The following PDE4A variants were observed in gnomAD, a reference collection of about 807,000 sequenced individuals.
PDE4A encodes the protein phosphodiesterase 4A.
Under a neutral mutation model 73.9 loss-of-function variants are expected in PDE4A, and 21 were observed. The ratio of observed to expected loss-of-function variants is 0.28; its 90% CI spans 0.20 to 0.41. The LOEUF (loss-of-function observed/expected upper bound fraction) is 0.41, where lower values mean the gene tolerates loss of function less well. Ranked by LOEUF, PDE4A falls within the 10% of genes least tolerant of loss-of-function variation. The probability of loss-of-function intolerance (pLI) is 1.00; values close to 1 mark genes in which losing one functional copy is unlikely to be tolerated. For synonymous variants in PDE4A, 463 were observed against 505.4 expected (o/e 0.92, Z 1.13); for missense variants, 958 against 1,211.4 (o/e 0.79, Z 3.10).
rs576791074 is a variant in PDE4A at position 10,463,568 on chromosome 19, T to C, written c.1744-225T>C. 64 of 288,636 alleles carry C rather than the reference T, an allele frequency of 2.2e-4. 1 individual carries two copies. Among genetic ancestry groups the C allele is most frequent in the Non-Finnish European group, 2.8e-4 (54 of 193,540 alleles). 17.9% of individuals were successfully genotyped at this position (288,636 alleles called of 1,614,324 possible). ...GGCATGTGCCACCGTGCCTGGCTAATTTTTTTGTATTTTTAGTAGAGACAG... is the reference window on the plus strand; with the variant it reads ...GGCATGTGCCACCGTGCCTGGCTAACTTTTTTGTATTTTTAGTAGAGACAG... On this transcript the variant is annotated intron_variant, in intron 13 of 14. Coordinates refer to ENST00000380702, the MANE Select transcript of PDE4A (RefSeq NM_001111307.2).
At chr19:10,433,459 C>T (rs2042821904) in intron 1 of PDE4A, among the ~76,000 whole-genome samples, 1 of 152,144 alleles carries the variant, frequency 6.6e-6, no homozygotes, top group East Asian at 1.9e-4. Flanking sequence ...CAGGAACGCA[C>T]CCCGTGCCCA....
rs746919087 is a variant in PDE4A at position 10,461,605 on chromosome 19, G to A, written c.1545G>A (p.Gln515=). 1.9e-6 allele frequency: 3 copies of A among 1,613,964 alleles called. No homozygotes were observed. In the African/African-American group the frequency reaches 4.0e-5, roughly 22 times the overall value. ...TGGCCGTGGGCTTCAAGCTGCTGCA[G>A]GAGGACAACTGCGACATCTTCCAGA... The part of the protein sequence containing the change: ...HHLAVGFKLL[Q]EDNCDIFQNL... The change falls in exon 12 of 15, where the codon CAG becomes CAA. Residue 515 remains glutamine, a synonymous_variant. Transcript: ENST00000380702.
intron 1 of PDE4A, among the ~76,000 whole-genome samples, chr19:10,426,886 A>G (rs989167209): frequency 4.0e-5 from 6 of 151,606 alleles, no homozygotes; most frequent in African/African-American, 1.5e-4. Context: ...AAAAAGAAAT[A>G]GCAAGTAAAG....
chr19:10,433,146 TG>T (rs1362285438), intron 1 of PDE4A, among the ~76,000 whole-genome samples: 1 of 152,104 alleles, frequency 6.6e-6, no homozygotes, highest in Non-Finnish European at 1.5e-5. Context: ...TCCTGCTCCA[TG>T]GTCTCTAACA....
In PDE4A at chr19:10,424,104, C is replaced by T. The variant is rs2042684312; in HGVS notation, c.320+3020C>T. On this transcript the variant is annotated intron_variant, in intron 1 of 14. Transcript: ENST00000380702. The surrounding 1 kb of genome is among the most constrained non-coding windows in gnomAD (Gnocchi z 4.8). Reference sequence around the variant, plus strand: ...GGAATCCCCAGAGAGAGGGCACTGCCCACCCCCAACCGGAGATGTCATCCA... The same window carrying T: ...GGAATCCCCAGAGAGAGGGCACTGCTCACCCCCAACCGGAGATGTCATCCA... 6.6e-6 allele frequency among the ~76,000 whole-genome samples: 1 copy of T among 152,222 alleles called. No individual in the cohort carries two copies. The highest frequency in any genetic ancestry group is 2.4e-5 in the African/African-American group (1 of 41,462).
At chr19:10,445,471 T>G (rs2042990581) in intron 1 of PDE4A, among the ~76,000 whole-genome samples, 1 of 152,078 alleles carries the variant, frequency 6.6e-6, no homozygotes, top group Non-Finnish European at 1.5e-5. Context: ...TGTCTTTCTT[T>G]AACATCCTCC....
At chr19:10,435,593 A>C (rs201669024) in intron 1 of PDE4A, among the ~76,000 whole-genome samples, 149 of 120,672 alleles carry the variant, frequency 1.2e-3, no homozygotes, top group African/African-American at 3.5e-3. Context: ...CACACACACA[A>C]ACAAACAAAC....
intron 1 of PDE4A, among the ~76,000 whole-genome samples, chr19:10,436,293 C>T (rs541235334): frequency 6.6e-6 from 1 of 152,282 alleles, no homozygotes; most frequent in African/African-American, 2.4e-5. Flanking sequence ...CAGTAGCTCA[C>T]ACCTGTAATC....
chr19:10,418,689 C>A, upstream of PDE4A: 1 of 901,256 alleles, frequency 1.1e-6, no homozygotes, highest in Non-Finnish European at 1.3e-6. Flanking sequence ...CAGGCCACCG[C>A]TCCTCGTTTC....
At position 10,459,519 on chromosome 19, in the gene PDE4A, T is replaced by C. The variant is rs754634365; in HGVS notation, c.1200+21T>C. 1.9e-6 allele frequency: 3 copies of C among 1,611,388 alleles called. No homozygotes were observed. In the Admixed American group the frequency reaches 5.0e-5, roughly 27 times the overall value. Reference sequence around the variant, plus strand: ...TCCAGGTGATGGGGACAGCTGGGAGTGGGCCCGGGTGAGGGGCTCATAGCG... The same window carrying C: ...TCCAGGTGATGGGGACAGCTGGGAGCGGGCCCGGGTGAGGGGCTCATAGCG... On this transcript the variant is annotated intron_variant, in intron 9 of 14. Transcript: ENST00000380702.
intron 1 of PDE4A, chr19:10,421,424 C>T: frequency 1.3e-6 from 1 of 794,870 alleles, no homozygotes; most frequent in Non-Finnish European, 1.5e-6. Flanking sequence ...TTGGAGGGAC[C>T]TTCCTGGGGG....
intron 4 of PDE4A, among the ~76,000 whole-genome samples, chr19:10,449,846 G>A (rs2046525022): frequency 6.6e-6 from 1 of 151,972 alleles, no homozygotes; most frequent in South Asian, 2.1e-4. Flanking sequence ...CTGTAATCCA[G>A]CACTTTGGGA....
At position 10,461,606 on chromosome 19, in the gene PDE4A, G is replaced by A. The variant is rs1184710573; in HGVS notation, c.1546G>A (p.Glu516Lys). ...GGCCGTGGGCTTCAAGCTGCTGCAG[G>A]AGGACAACTGCGACATCTTCCAGAA... ...HLAVGFKLLQEDNCDIFQNLS... is the reference protein window; with the variant it reads ...HLAVGFKLLQKDNCDIFQNLS... The change falls in exon 12 of 15, where the codon GAG (glutamate) becomes AAG (lysine). Residue 516 changes from glutamate to lysine, a missense_variant. Around this residue, in one of 3 missense-constraint regions of PDE4A, gnomAD observed 570 missense variants for 827.7 expected, o/e 0.69. Transcript: ENST00000380702. The A allele has an allele frequency of 6.2e-7, 1 of 1,612,806 alleles. No homozygotes were observed. Among genetic ancestry groups the A allele is most frequent in the Admixed American group, 1.7e-5 (1 of 59,952 alleles).
upstream of PDE4A, chr19:10,420,529 G>A: frequency 2.7e-6 from 3 of 1,114,074 alleles, no homozygotes; most frequent in Non-Finnish European, 3.3e-6. This position sits in a 1 kb window ranked among gnomAD's most constrained non-coding sequence, Gnocchi z 6.0. Flanking sequence ...GCGGAGCGCG[G>A]AGCGCGGAGA....
intron 1 of PDE4A, among the ~76,000 whole-genome samples, chr19:10,433,952 C>T (rs757769151): frequency 1.8e-4 from 27 of 152,130 alleles, no homozygotes; most frequent in Admixed American, 4.6e-4. Flanking sequence ...CATTCTAGGC[C>T]GGGCGTGGTG....
rs56177093 is a variant in PDE4A, at chr19:10,444,004, C to CAA, written c.321-2199_321-2198dup. 1.4e-3 allele frequency among the ~76,000 whole-genome samples: 163 copies of CAA among 113,712 alleles called. 2 individuals carry two copies. Among genetic ancestry groups the CAA allele is most frequent in the Middle Eastern group, 0.01 (2 of 192 alleles). The allele number at this position is 113,712 out of a possible 152,430, so 74.6% of individuals were successfully genotyped here. A position where few individuals can be genotyped will look rare whatever the true frequency, so the allele number is the denominator to read the frequency against. ...TCTAGGTGACAGAGCAAGACTGTCT[C>CAA]AAAAAAAAAAAAAAAAGATAAATAT... On this transcript the variant is annotated intron_variant, in intron 1 of 14. Coordinates refer to ENST00000380702, the MANE Select transcript of PDE4A (RefSeq NM_001111307.2).
upstream of PDE4A, chr19:10,417,869 G>A (rs1448127596): frequency 1.3e-6 from 2 of 1,551,974 alleles, no homozygotes; most frequent in Non-Finnish European, 1.7e-6. Flanking sequence ...ACGACAGGTA[G>A]GTAGGAGAGG....
chr19:10,428,691 G>A (rs957769330), intron 1 of PDE4A: 24 of 763,056 alleles, frequency 3.1e-5, no homozygotes, highest in Admixed American at 6.3e-5. Context: ...GGAAACTGAG[G>A]CTCAATGAAA....
intron 6 of PDE4A, among the ~76,000 whole-genome samples, chr19:10,451,862 T>G (rs1157214629): frequency 6.6e-6 from 1 of 151,972 alleles, no homozygotes; most frequent in Non-Finnish European, 1.5e-5. Flanking sequence ...AGAAATGATC[T>G]GTAGGTGGGA....
Sources: gnomAD v4.1 joint callset for allele counts (sites outside exome capture counted in the v4.1 genomes callset) on GRCh38, gnomAD v4.1.1 for gene constraint, gnomAD v4.1.1 regional missense constraint, Gnocchi (gnomAD v3.1) non-coding constraint, MANE v1.5 for transcripts, NCBI Gene and HGNC (gene_info 2026-07-23, HGNC 2026-07-21) for gene names.